The following FOCAD variants were observed in gnomAD, a reference collection of about 807,000 sequenced individuals.
FOCAD encodes focadhesin.
A neutral mutation model predicts 225.6 loss-of-function variants in FOCAD; 198 were observed. That is an observed-to-expected ratio of 0.88 (90% confidence interval 0.78 to 0.99). The LOEUF (loss-of-function observed/expected upper bound fraction) is 0.99. FOCAD is among the 50% of genes least tolerant of loss of function. The probability of loss-of-function intolerance (pLI) is 0.00; values close to 1 mark genes in which losing one functional copy is unlikely to be tolerated. For missense variants in FOCAD, 2,713 were observed against 2,123.6 expected, an observed-to-expected ratio of 1.28 and a Z score of -5.46; for synonymous variants, 897 against 755.0, an observed-to-expected ratio of 1.19 and a Z score of -3.08.
At chr9:20,794,962 C>T (rs1436953611) in intron 11 of FOCAD, among the ~76,000 whole-genome samples, 3 of 151,952 alleles carry the variant, frequency 2.0e-5, no homozygotes, top group Non-Finnish European at 4.4e-5. Context: ...GAAAACGAAT[C>T]TAAGCAAACA....
chr9:20,700,831 T>G (rs927438301), intron 1 of FOCAD, among the ~76,000 whole-genome samples: 5 of 152,230 alleles, frequency 3.3e-5, no homozygotes, highest in Non-Finnish European at 5.9e-5. Context: ...GGTACTGTGC[T>G]AAACACAATA....
chr9:20,920,139 A>G (rs1455059390), intron 24 of FOCAD, among the ~76,000 whole-genome samples: 8 of 152,240 alleles, frequency 5.3e-5, no homozygotes, highest in African/African-American at 1.2e-4. Flanking sequence ...AACCCCATCA[A>G]CAAGTGGGCG....
At chr9:20,957,974 C>T (rs1023907163) in intron 35 of FOCAD, among the ~76,000 whole-genome samples, 1 of 151,964 alleles carries the variant, frequency 6.6e-6, no homozygotes, top group African/African-American at 2.4e-5. Flanking sequence ...AGTACCTCAG[C>T]CCTGTATGAA....
Position 20,946,687 on chromosome 9 carries a change from T to G in FOCAD, c.3556-14T>G. 8 of 1,600,664 alleles carry G rather than the reference T, an allele frequency of 5.0e-6. No individual in the cohort carries two copies. Among genetic ancestry groups the G allele is most frequent in the Non-Finnish European group, 6.0e-6 (7 of 1,175,082 alleles). Reference sequence around the variant, plus strand: ...CTCCTGAAGACATATTTTTCTGCTGTATTTTCTTCTCAGGTCCTTGCCTAC... The same window carrying G: ...CTCCTGAAGACATATTTTTCTGCTGGATTTTCTTCTCAGGTCCTTGCCTAC... On this transcript the variant is annotated splice_polypyrimidine_tract_variant and intron_variant, in intron 29 of 43. Coordinates refer to ENST00000338382, the MANE Select transcript of FOCAD (RefSeq NM_001375567.1).
At chr9:20,926,460 G>T in intron 26 of FOCAD, 43 bp downstream of exon 26, 3 of 1,211,800 alleles carry the variant, frequency 2.5e-6, no homozygotes, top group South Asian at 2.4e-5. Context: ...CTCAAGAATT[G>T]ACTCTTATGA....
intron 20 of FOCAD, among the ~76,000 whole-genome samples, chr9:20,883,137 C>T (rs1032709014): frequency 3.9e-5 from 6 of 152,090 alleles, no homozygotes; most frequent in Admixed American, 3.3e-4. Flanking sequence ...CTGCACTAGA[C>T]ACAGGACAAA....
At chr9:20,679,624 CA>C (rs1822340433), upstream of FOCAD, among the ~76,000 whole-genome samples, 1 of 152,042 alleles carries the variant, frequency 6.6e-6, no homozygotes, top group Non-Finnish European at 1.5e-5. Flanking sequence ...ACACTGACTT[CA>C]AAATGTGTGC....
chr9:20,926,970 T>G (rs1445356886), intron 26 of FOCAD, among the ~76,000 whole-genome samples: 4 of 150,362 alleles, frequency 2.7e-5, no homozygotes, highest in Non-Finnish European at 5.9e-5. Flanking sequence ...AATATTAATG[T>G]TATATATGTA....
intron 4 of FOCAD, among the ~76,000 whole-genome samples, chr9:20,724,888 G>C (rs1175861236): frequency 2.0e-5 from 3 of 152,158 alleles, no homozygotes; most frequent in Admixed American, 2.0e-4. Context: ...GCAAGAATGG[G>C]CCAGGCGTGG....
At chr9:20,730,503 G>T (rs1826596618) in intron 4 of FOCAD, among the ~76,000 whole-genome samples, 1 of 152,100 alleles carries the variant, frequency 6.6e-6, no homozygotes, top group African/African-American at 2.4e-5. Context: ...CATACTTGAT[G>T]TATTTCAGTC....
intron 23 of FOCAD, among the ~76,000 whole-genome samples, chr9:20,916,035 T>C (rs1033159453): frequency 6.6e-6 from 1 of 152,182 alleles, no homozygotes; most frequent in African/African-American, 2.4e-5. Flanking sequence ...GAAAAACTTG[T>C]CTCTTAAGAG....
Position 20,820,998 on chromosome 9 carries a change from T to A in FOCAD, c.1720T>A (p.Ser574Thr). The A allele has an allele frequency of 6.2e-7, 1 of 1,612,876 alleles. No individual in the cohort carries two copies. Among genetic ancestry groups the A allele is most frequent in the Non-Finnish European group, 8.5e-7 (1 of 1,179,204 alleles). Residue 574 changes from serine to threonine, a missense_variant, in exon 14 of 44, where the codon TCG (serine) becomes ACG (threonine). By Grantham distance (58) the Ser-to-Thr change is moderately conservative. Transcript: ENST00000338382. ...FMAVSDVPSL[S>T]VGKEVQWEKL... ...GGCTGTGTCTGATGTACCTTCTCTT[T>A]CGGTGGGCAAGGAAGTCCAATGGGA...
In FOCAD at chr9:20,963,414, T is replaced by C. The variant is rs189036568; in HGVS notation, c.4132+10349T>C. ...CATATTTCACATGGGGTCCTGGTAT[T>C]AGAAGGCAGGCTGGACGCCTTGCCT... On this transcript the variant is annotated intron_variant, in intron 35 of 43. Transcript: ENST00000338382. 5.9e-5 allele frequency among the ~76,000 whole-genome samples: 9 copies of C among 152,320 alleles called. No homozygotes were observed. In the East Asian group the frequency reaches 1.7e-3, roughly 29 times the overall value.
intron 21 of FOCAD, among the ~76,000 whole-genome samples, chr9:20,903,464 A>T (rs1174428801): frequency 6.6e-6 from 1 of 151,874 alleles, no homozygotes; most frequent in Non-Finnish European, 1.5e-5. Context: ...AGCAGTCAGT[A>T]TTGTCCTTTT....
intron 18 of FOCAD, 108 bp from the exon 19 acceptor site, chr9:20,874,573 T>C (rs1282126741): frequency 9.0e-7 from 1 of 1,109,588 alleles, no homozygotes; most frequent in East Asian, 2.5e-5. Flanking sequence ...TATAGAGTGA[T>C]GGAGTCTAAC....
intron 4 of FOCAD, among the ~76,000 whole-genome samples, chr9:20,724,478 G>A (rs1403422323): frequency 6.6e-6 from 1 of 152,118 alleles, no homozygotes; most frequent in African/African-American, 2.4e-5. Context: ...TTTCTTATCT[G>A]AGAATGTTCA....
At chr9:20,898,810 C>T (rs959420696) in intron 21 of FOCAD, among the ~76,000 whole-genome samples, 2 of 151,850 alleles carry the variant, frequency 1.3e-5, no homozygotes, top group Admixed American at 6.6e-5. Flanking sequence ...ACATAACATA[C>T]TAGGTAAAAG....
chr9:20,686,368 G>T (rs879429698), intron 1 of FOCAD, among the ~76,000 whole-genome samples: 4 of 152,246 alleles, frequency 2.6e-5, no homozygotes, highest in South Asian at 4.1e-4. Flanking sequence ...TGTTGGCCAG[G>T]CTGGTCTCGA....
intron 18 of FOCAD, among the ~76,000 whole-genome samples, chr9:20,871,073 C>T (rs771309959): frequency 4.6e-5 from 7 of 151,698 alleles, no homozygotes; most frequent in South Asian, 4.2e-4. Context: ...AGTGGTGGTG[C>T]GGGGCCTGTA....
Sources: allele counts gnomAD v4.1 joint callset (sites outside exome capture counted in the v4.1 genomes callset), GRCh38; gene constraint gnomAD v4.1.1; transcripts MANE v1.5; gene names NCBI Gene and HGNC (gene_info 2026-07-23, HGNC 2026-07-21).